The following TTN variants were observed in gnomAD, a reference collection of about 807,000 sequenced individuals.
TTN encodes connectin.
In TTN, 1,525 loss-of-function variants were observed where a neutral mutation model predicts 3,223.0. That is an observed-to-expected ratio of 0.47 (90% CI 0.45 to 0.49). The LOEUF is 0.49. Among genes scored for constraint, TTN ranks in the 20% least tolerant of loss-of-function variants. The pLI is 0.00. For missense variants in TTN, 40,786 were observed against 43,424.0 expected, an observed-to-expected ratio of 0.94 and a Z score of 5.40; for synonymous variants, 14,094 against 15,161.0, an observed-to-expected ratio of 0.93 and a Z score of 5.17.
chr2:178,665,861 C>T (rs2065840441), intron 163 of TTN, 70 bp from the exon 164 acceptor site: 2 of 716,406 alleles, frequency 2.8e-6, no homozygotes, highest in Non-Finnish European at 3.9e-6. Flanking sequence ...CTTAACTGCA[C>T]ATACAGAACA....
Position 178,719,851 on chromosome 2 carries a change from T to C in TTN, c.23660-19A>G, listed in dbSNP as rs751429470. ...GCTGGTTCTAAAAGAAGAAGTATTT[T>C]GCATTGAAAACAAAGTAACCTTTCA... On this transcript the variant is annotated intron_variant, in intron 81 of 362. Coordinates refer to ENST00000589042, the MANE Select transcript of TTN (RefSeq NM_001267550.2). 5.0e-6 allele frequency: 8 copies of C among 1,590,982 alleles called. No homozygotes were observed. The highest frequency in any genetic ancestry group is 6.9e-6 in the Non-Finnish European group (8 of 1,167,536).
chr2:178,671,145 G>C lies in TTN; in HGVS notation c.35253C>G (p.Ile11751Met). Residue 11751 changes from isoleucine to methionine, a missense_variant, in exon 156 of 363, where the codon ATC becomes ATG. Physicochemically the swap from Ile to Met is conservative, Grantham distance 10. Coordinates refer to ENST00000589042, the MANE Select transcript of TTN (RefSeq NM_001267550.2). ...CTTTAGTGGGCGGTTTTTTTGGAGG[G>C]ATGATTTTCTCAGATATCTCAGGCC... The part of the protein sequence containing the change: ...PKGPEISEKI[I>M]PPKKPPTKVV... 7 of 1,603,140 alleles carry C rather than the reference G, an allele frequency of 4.4e-6. No homozygotes were observed. The highest frequency in any genetic ancestry group is 6.0e-6 in the Non-Finnish European group (7 of 1,175,504).
At chr2:178,764,373 G>T in intron 42 of TTN, 71 bp from the exon 43 acceptor site, 1 of 1,612,574 alleles carries the variant, frequency 6.2e-7, no homozygotes, top group Non-Finnish European at 8.5e-7. Context: ...GAGCATGTAG[G>T]TTTATCTTAA....
chr2:178,527,226 G>A lies in TTN; in HGVS notation c.107762C>T (p.Thr35921Met), dbSNP rs749277200. ...GKVLTVACAF[T>M]GEPTPEVTWS... ...TGTTACTTCTGGGGTAGGCTCACCC[G>A]TGAAAGCACAGGCTACTGTTAGAAC... Residue 35921 changes from threonine to methionine, a missense_variant, in exon 363 of 363, where the codon ACG (threonine) becomes ATG (methionine). By Grantham distance (81) the Thr-to-Met change is moderately conservative (BLOSUM62 -1). Coordinates refer to ENST00000589042, the MANE Select transcript of TTN (RefSeq NM_001267550.2). 6.2e-6 allele frequency: 10 copies of A among 1,613,780 alleles called. No homozygotes were observed. The highest frequency in any genetic ancestry group is 1.3e-5 in the African/African-American group (1 of 75,024).
chr2:178,592,261 A>C lies in TTN; in HGVS notation c.59643T>G (p.Pro19881=). The change falls in exon 302 of 363, where the codon CCT becomes CCG. Residue 19881 remains proline (P), a synonymous_variant. Transcript: ENST00000589042. ...KVLVLDKPGP[P]RDLEVSEIRK... ...TAATTTCACTGACTTCCAGATCTCTAGGTGGCCCAGGTTTATCTAAAAAGT... is the reference window on the plus strand; with the variant it reads ...TAATTTCACTGACTTCCAGATCTCTCGGTGGCCCAGGTTTATCTAAAAAGT... 6.2e-7 allele frequency: 1 copy of C among 1,611,300 alleles called. No individual in the cohort carries two copies. The highest frequency in any genetic ancestry group is 1.3e-5 in the African/African-American group (1 of 74,936).
intron 117 of TTN, 21 bp downstream of exon 117, chr2:178,694,578 C>A: frequency 6.5e-7 from 1 of 1,537,436 alleles, no homozygotes; most frequent in East Asian, 2.4e-5. Context: ...GAACTTGTAG[C>A]TGAAACACAA....
At chr2:178,583,363 A>G (rs2048208521) in intron 312 of TTN, 136 bp from the exon 313 acceptor site, 3 of 966,436 alleles carry the variant, frequency 3.1e-6, no homozygotes, top group Non-Finnish European at 4.3e-6. Flanking sequence ...TTTATTTTTA[A>G]TAGACAAATA....
At chr2:178,612,605 A>ATT in intron 265 of TTN, 29 bp from the exon 266 acceptor site, 4 of 1,386,806 alleles carry the variant, frequency 2.9e-6, no homozygotes, top group Non-Finnish European at 2.0e-6. Context: ...AAACAAATTC[A>ATT]TTTTTTTTTT....
At chr2:178,787,249 T>A (rs1397198366) in intron 13 of TTN, among the ~76,000 whole-genome samples, 1 of 152,082 alleles carries the variant, frequency 6.6e-6, no homozygotes, top group Non-Finnish European at 1.5e-5. Context: ...TGAGATGGAA[T>A]TGGGTCTTTA....
chr2:178,675,001 A>T (rs752217488), intron 150 of TTN, 38 bp downstream of exon 150: 124 of 1,276,402 alleles, frequency 9.7e-5, no homozygotes, highest in Non-Finnish European at 1.3e-4. Context: ...TAAGACAAGG[A>T]TGACTTTGAA....
At chr2:178,640,518 T>C (rs368205589) in intron 221 of TTN, 23 bp downstream of exon 221, 1 of 1,591,144 alleles carries the variant, frequency 6.3e-7, no homozygotes, top group African/African-American at 1.4e-5. Flanking sequence ...TAGAGACAAC[T>C]AAGAATGACA....
Position 178,768,655 on chromosome 2 carries a change from AT to A in TTN, c.9163+17del, listed in dbSNP as rs1349296421. ...GTATGACATTTTTTCTATGGATCTAATATGTATGAAACCATACCTTCCACAT... is the reference window on the plus strand; with the variant it reads ...GTATGACATTTTTTCTATGGATCTAAATGTATGAAACCATACCTTCCACAT... On this transcript the variant is annotated intron_variant, in intron 38 of 362. Transcript: ENST00000589042. 5.0e-6 allele frequency: 8 copies of A among 1,614,020 alleles called. No homozygotes were observed. The highest frequency in any genetic ancestry group is 6.8e-6 in the Non-Finnish European group (8 of 1,179,984).
In TTN at chr2:178,565,269, T is replaced by C. The variant is rs1336289056; in HGVS notation, c.80863A>G (p.Thr26955Ala). Reference sequence around the variant, plus strand: ...TCTGTTGCTGTGCCTGCACTATTTGTTGCCGTTACGGTGTATTTTCCAAAG... The same window carrying C: ...TCTGTTGCTGTGCCTGCACTATTTGCTGCCGTTACGGTGTATTTTCCAAAG... ...DDFGKYTVTA[T>A]NSAGTATENL... Residue 26955 changes from threonine (T) to alanine (A), a missense_variant, in exon 326 of 363, where the codon ACA becomes GCA. Transcript: ENST00000589042. The C allele has an allele frequency of 6.2e-7, 1 of 1,613,648 alleles. No homozygotes were observed. The highest frequency in any genetic ancestry group is 1.7e-5 in the Admixed American group (1 of 59,970).
Position 178,736,032 on chromosome 2 carries a change from G to A in TTN, c.14414C>T (p.Thr4805Ile), listed in dbSNP as rs2081384846. Residue 4805 changes from threonine (T) to isoleucine (I), a missense_variant, in exon 50 of 363, where the codon ACA becomes ATA. Coordinates refer to ENST00000589042, the MANE Select transcript of TTN (RefSeq NM_001267550.2). The stretch of plus-strand genomic sequence containing the variant: ...CTTGGCTGCCTTACCCACAAAAGTT[G>A]TAAGGGACTTAGGTCTGGAGAGAAA... ...PTFLSRPKSL[T>I]TFVGKAAKFI... The A allele has an allele frequency of 6.2e-7, 1 of 1,610,300 alleles. No individual in the cohort carries two copies. Among genetic ancestry groups the A allele is most frequent in the African/African-American group, 1.3e-5 (1 of 74,822 alleles).
In TTN at chr2:178,534,343, C is replaced by T. The variant is rs763708375; in HGVS notation, c.102272G>A (p.Arg34091Gln). 7.1e-5 allele frequency: 114 copies of T among 1,612,388 alleles called. No individual in the cohort carries two copies. Among genetic ancestry groups the T allele is most frequent in the Non-Finnish European group, 8.6e-5 (101 of 1,179,826 alleles). ...STKVIRTLKH[R>Q]RYYHTLIKKD... ...CTTGATCAGGGTGTGGTAATAACGC[C>T]GGTGTTTTAATGTTCTGATAACTTT... The change falls in exon 358 of 363, where the codon CGG becomes CAG. Residue 34091 changes from arginine (R) to glutamine (Q), a missense_variant. Coordinates refer to ENST00000589042, the MANE Select transcript of TTN (RefSeq NM_001267550.2).
rs2154304381 is a variant in TTN at position 178,725,611 on chromosome 2, C to T, written c.20593G>A (p.Val6865Ile). 6.2e-7 allele frequency: 1 copy of T among 1,603,604 alleles called. No individual in the cohort carries two copies. Among genetic ancestry groups the T allele is most frequent in the Non-Finnish European group, 8.5e-7 (1 of 1,174,720 alleles). The change falls in exon 71 of 363, where the codon GTT becomes ATT. Residue 6865 changes from valine (V) to isoleucine (I), a missense_variant. Transcript: ENST00000589042. ...AATTCAGCAGGCTCTCCGGCTACAA[C>T]AGTGAGGCTGTTCAGTTTGGAGACA... ...RFVSKLNSLT[V>I]VAGEPAELQA...
chr2:178,668,169 G>T (rs1463053589), intron 159 of TTN, among the ~76,000 whole-genome samples: 1 of 151,912 alleles, frequency 6.6e-6, no homozygotes, highest in African/African-American at 2.4e-5. Flanking sequence ...TCTAATATAT[G>T]GTTTCACAGT....
In TTN at chr2:178,582,257, T is replaced by TA. The variant is rs918317796; in HGVS notation, c.66160+38dup. On this transcript the variant is annotated intron_variant, in intron 314 of 362. Transcript: ENST00000589042. ...AATTTCCCAGGCTAAAAGATAATTTTAAAAAATAAAATGAAAAACCACCGG... is the reference window on the plus strand; with the variant it reads ...AATTTCCCAGGCTAAAAGATAATTTTAAAAAAATAAAATGAAAAACCACCGG... 3 of 1,576,132 alleles carry TA rather than the reference T, an allele frequency of 1.9e-6. No homozygotes were observed. In the African/African-American group the frequency reaches 4.1e-5, roughly 22 times the overall value.
chr2:178,585,293 A>G lies in TTN; in HGVS notation c.64451T>C (p.Leu21484Pro). 1 of 1,611,584 alleles carries G rather than the reference A, an allele frequency of 6.2e-7. No homozygotes were observed. The highest frequency in any genetic ancestry group is 8.5e-7 in the Non-Finnish European group (1 of 1,178,746). The change falls in exon 309 of 363, where the codon CTC becomes CCC. Residue 21484 changes from leucine to proline, a missense_variant. Leu to Pro is a moderately conservative substitution (Grantham distance 98, BLOSUM62 -3). Coordinates refer to ENST00000589042, the MANE Select transcript of TTN (RefSeq NM_001267550.2). ...EQITIKAGKK[L>P]RIEAHVYGKP... is the part of the protein sequence containing the mutation. ...TCCATACACATGGGCTTCAATTCGG[A>G]GTTTTTTCCCAGCTTTGATAGTTAT...
Sources: gnomAD v4.1 joint callset for allele counts (sites outside exome capture counted in the v4.1 genomes callset) on GRCh38, gnomAD v4.1.1 for gene constraint, MANE v1.5 for transcripts, NCBI Gene and HGNC (gene_info 2026-07-23, HGNC 2026-07-21) for gene names.